The following NFKB1 variants were observed in gnomAD, a reference collection of about 807,000 sequenced individuals.
NFKB1 encodes nuclear factor NF-kappa-B p105 subunit.
Under a neutral mutation model 105.1 loss-of-function variants are expected in NFKB1, and 9 were observed. The ratio of observed to expected loss-of-function variants is 0.09; its 90% confidence interval spans 0.05 to 0.15. The LOEUF (loss-of-function observed/expected upper bound fraction) is 0.15, where lower values mean the gene tolerates loss of function less well. Among genes scored for constraint, NFKB1 ranks in the 10% least tolerant of loss-of-function variants. The pLI is 1.00. For synonymous variants in NFKB1, 440 were observed against 442.2 expected, an observed-to-expected ratio of 1.00 and a Z score of 0.06; for missense variants, 830 against 1,203.7, an observed-to-expected ratio of 0.69 and a Z score of 4.59.
rs1346476536 is a variant in NFKB1 at position 102,617,057 on chromosome 4, AG to A, written c.*465del. The A allele has an allele frequency of 6.8e-6, 1 of 147,110 alleles. No individual in the cohort carries two copies. Among genetic ancestry groups the A allele is most frequent in the Non-Finnish European group, 1.5e-5 (1 of 67,254 alleles). The allele number at this position is 147,110 out of a possible 1,614,324, so 9.1% of individuals were successfully genotyped here. A position where few individuals can be genotyped will look rare whatever the true frequency, so the allele number is the denominator to read the frequency against. ...ACTTGATGTGCCATTTTAAAAAAAA[AG>A]GCATATTGCTTTTTCTAATGTGGTT... On this transcript the variant is annotated 3_prime_UTR_variant, in exon 24 of 24. Coordinates refer to ENST00000226574, the MANE Select transcript of NFKB1 (RefSeq NM_003998.4).
intron 1 of NFKB1, among the ~76,000 whole-genome samples, chr4:102,514,469 A>G (rs1248528793): frequency 6.6e-6 from 1 of 152,186 alleles, no homozygotes; most frequent in African/African-American, 2.4e-5. Flanking sequence ...AGTTGCGGAC[A>G]CAGCATTCCT....
intron 5 of NFKB1, among the ~76,000 whole-genome samples, chr4:102,540,189 G>A (rs1240090632): frequency 2.0e-5 from 3 of 152,042 alleles, no homozygotes; most frequent in African/African-American, 7.2e-5. Context: ...ATGGTATTTT[G>A]TTTACTTCTA....
At chr4:102,593,011 T>A (rs555648135) in intron 11 of NFKB1, among the ~76,000 whole-genome samples, 7 of 152,340 alleles carry the variant, frequency 4.6e-5, no homozygotes, top group African/African-American at 1.7e-4. Context: ...TGCTTTTTTT[T>A]ATTTCCAGCA....
At chr4:102,609,166 A>AAAAAAAAAAAAAAAAAAAG (rs1338929952) in intron 19 of NFKB1, among the ~76,000 whole-genome samples, 12 of 150,980 alleles carry the variant, frequency 7.9e-5, no homozygotes, top group Admixed American at 1.3e-4. Flanking sequence ...CTCAAAAAAA[A>AAAAAAAAAAAAAAAAAAAG]AAAAGAAAAA....
In NFKB1 at chr4:102,537,963, T is replaced by C. The variant is rs1268258492; in HGVS notation, c.258+7T>C. The C allele has an allele frequency of 1.3e-6, 2 of 1,521,016 alleles. No individual in the cohort carries two copies. The highest frequency in any genetic ancestry group is 1.8e-6 in the Non-Finnish European group (2 of 1,096,206). 94.2% of individuals were successfully genotyped at this position (1,521,016 alleles called of 1,614,324 possible). On this transcript the variant is annotated splice_region_variant and intron_variant, in intron 5 of 23. Coordinates refer to ENST00000226574, the MANE Select transcript of NFKB1 (RefSeq NM_003998.4). ...GTCTTACCCTCAGGTCAAAGTAAGT[T>C]TGTGGTAGCTCTCCTTCTATTTGAA...
Position 102,596,253 on chromosome 4 carries a change from C to T in NFKB1, c.1416C>T (p.Pro472=), listed in dbSNP as rs371483323. Residue 472 remains proline, a synonymous_variant, in exon 14 of 24, where the codon CCC becomes CCT. Transcript: ENST00000226574. ...VIETTEQDQE[P]SEATVGNGEV... ...AAACCACAGAGCAAGATCAGGAGCCCAGCGAGGCCACCGTTGGGAATGGTG... is the reference window on the plus strand; with the variant it reads ...AAACCACAGAGCAAGATCAGGAGCCTAGCGAGGCCACCGTTGGGAATGGTG... The T allele has an allele frequency of 9.7e-5, 156 of 1,613,614 alleles. 2 individuals carry two copies. In the South Asian group the frequency reaches 1.6e-3, roughly 17 times the overall value.
Position 102,616,474 on chromosome 4 carries a change from G to T in NFKB1, c.2790G>T (p.Val930=), listed in dbSNP as rs758528036. The change falls in exon 24 of 24, where the codon GTG becomes GTT. Residue 930 remains valine (V), a synonymous_variant. Coordinates refer to ENST00000226574, the MANE Select transcript of NFKB1 (RefSeq NM_003998.4). ...GTGACAGTGTCTGCGACAGCGGCGT[G>T]GAGACATCCTTCCGCAAACTCAGCT... is the stretch of plus-strand genomic sequence containing the variant. ...RDSDSVCDSG[V]ETSFRKLSFT... 6.2e-7 allele frequency: 1 copy of T among 1,614,052 alleles called. No homozygotes were observed. Among genetic ancestry groups the T allele is most frequent in the South Asian group, 1.1e-5 (1 of 91,036 alleles).
chr4:102,518,421 G>A (rs961774261), intron 1 of NFKB1, among the ~76,000 whole-genome samples: 1 of 152,080 alleles, frequency 6.6e-6, no homozygotes, highest in Non-Finnish European at 1.5e-5. Context: ...TGAGTACAAA[G>A]TGGGCTTTGA....
Position 102,537,783 on chromosome 4 carries a change from T to G in NFKB1, c.160-75T>G, listed in dbSNP as rs1451528378. On this transcript the variant is annotated intron_variant, in intron 4 of 23. Coordinates refer to ENST00000226574, the MANE Select transcript of NFKB1 (RefSeq NM_003998.4). ...TTTAGTAGACATAAGATTTAAAAAT[T>G]TGTATGTACCTTTGTTGCCGTAATT... The G allele has an allele frequency of 7.4e-6, 6 of 815,886 alleles. No homozygotes were observed. In the African/African-American group the frequency reaches 8.7e-5, roughly 12 times the overall value. 50.5% of individuals were successfully genotyped at this position (815,886 alleles called of 1,614,324 possible).
intron 1 of NFKB1, among the ~76,000 whole-genome samples, chr4:102,506,314 T>A (rs1739412427): frequency 6.6e-6 from 1 of 152,174 alleles, no homozygotes; most frequent in African/African-American, 2.4e-5. Context: ...CTAAGAATTG[T>A]TAACACTTAT....
At chr4:102,558,438 C>CA (rs964621072) in intron 5 of NFKB1, among the ~76,000 whole-genome samples, 10 of 151,540 alleles carry the variant, frequency 6.6e-5, no homozygotes, top group African/African-American at 9.7e-5. Flanking sequence ...GACAAAATAA[C>CA]AAAAAAAAGA....
chr4:102,582,070 T>G (rs1725356679), intron 9 of NFKB1, among the ~76,000 whole-genome samples: 1 of 152,196 alleles, frequency 6.6e-6, no homozygotes, highest in African/African-American at 2.4e-5. Flanking sequence ...TAGAAGTGAA[T>G]AGAGTATTTA....
chr4:102,560,409 G>A (rs896862873), intron 5 of NFKB1, among the ~76,000 whole-genome samples: 1 of 152,120 alleles, frequency 6.6e-6, no homozygotes, highest in South Asian at 2.1e-4. Context: ...TGTAATTCAC[G>A]AGAACTTCTT....
intron 5 of NFKB1, among the ~76,000 whole-genome samples, chr4:102,541,653 G>T (rs570061661): frequency 3.9e-5 from 6 of 152,124 alleles, no homozygotes; most frequent in South Asian, 2.1e-4. Context: ...CAGAGGCCTC[G>T]TGGAGGGTGG....
intron 6 of NFKB1, among the ~76,000 whole-genome samples, chr4:102,575,553 ACCT>A (rs1425479997): frequency 6.6e-6 from 1 of 151,588 alleles, no homozygotes; most frequent in African/African-American, 2.4e-5. Flanking sequence ...AGCTACATTG[ACCT>A]CCTTGCCTTT....
chr4:102,504,314 A>G (rs1023584288), intron 1 of NFKB1, among the ~76,000 whole-genome samples: 3 of 152,208 alleles, frequency 2.0e-5, no homozygotes, highest in African/African-American at 4.8e-5. Context: ...TAACCAATAG[A>G]GTAAATTCTC....
At chr4:102,559,402 C>T (rs978511974) in intron 5 of NFKB1, among the ~76,000 whole-genome samples, 2 of 151,786 alleles carry the variant, frequency 1.3e-5, no homozygotes, top group Non-Finnish European at 2.9e-5. Context: ...CATGGCATGG[C>T]ATGACATGGC....
chr4:102,509,022 A>T (rs892363233), intron 1 of NFKB1, among the ~76,000 whole-genome samples: 2 of 152,224 alleles, frequency 1.3e-5, no homozygotes, highest in Non-Finnish European at 2.9e-5. Context: ...ATAATGGATT[A>T]TCATATTTTT....
intron 2 of NFKB1, among the ~76,000 whole-genome samples, 167 bp downstream of exon 2, chr4:102,525,724 T>C (rs570346719): frequency 1.3e-5 from 2 of 152,310 alleles, no homozygotes; most frequent in Non-Finnish European, 1.5e-5. Flanking sequence ...GGATATGTCA[T>C]GTGAAATGAG....
Sources: allele counts gnomAD v4.1 joint callset (sites outside exome capture counted in the v4.1 genomes callset), GRCh38; gene constraint gnomAD v4.1.1; transcripts MANE v1.5; gene names NCBI Gene and HGNC (gene_info 2026-07-23, HGNC 2026-07-21).